Variants in MSRA observed in about 807,000 individuals in gnomAD.
MSRA encodes the protein mitochondrial peptide methionine sulfoxide reductase.
A neutral mutation model predicts 31.3 loss-of-function variants in MSRA; 54 were observed. The ratio of observed to expected loss-of-function variants is 1.73; its 90% CI spans 1.39 to 2.17. The LOEUF (loss-of-function observed/expected upper bound fraction) is 2.17, where lower values mean the gene tolerates loss of function less well. Among genes scored for constraint, MSRA ranks in the 30% most tolerant of loss-of-function variants. MSRA has a pLI of 0.00. For synonymous variants in MSRA, 169 were observed against 116.5 expected, an observed-to-expected ratio of 1.45 and a Z score of -2.90; for missense variants, 507 against 300.9, an observed-to-expected ratio of 1.69 and a Z score of -5.07.
intron 1 of MSRA, among the ~76,000 whole-genome samples, chr8:10,169,898 C>T (rs1297292599): frequency 6.9e-6 from 1 of 145,592 alleles, no homozygotes; most frequent in Non-Finnish European, 1.5e-5. Flanking sequence ...TTGCCCATTC[C>T]TTGGTATTTT....
chr8:10,425,139 T>C (rs4304332), intron 5 of MSRA, among the ~76,000 whole-genome samples: 143,640 of 151,216 alleles, frequency 0.95, 68,610 homozygotes, highest in Non-Finnish European at 1. Flanking sequence ...GTTTTGGCGG[T>C]GGGTGGGGGG....
At chr8:10,084,876 G>C (rs116381190) in intron 1 of MSRA, among the ~76,000 whole-genome samples, 1,656 of 138,812 alleles carry the variant, frequency 0.012, 32 homozygotes, top group African/African-American at 0.041. Context: ...CGAGTTTAGA[G>C]GTAGTTATAG....
chr8:10,217,843 C>G (rs192594323), intron 2 of MSRA, among the ~76,000 whole-genome samples: 1 of 152,132 alleles, frequency 6.6e-6, no homozygotes, highest in African/African-American at 2.4e-5. Context: ...AACTGTTTAT[C>G]TGAATCATGA....
intron 5 of MSRA, among the ~76,000 whole-genome samples, chr8:10,324,816 A>G (rs1004034222): frequency 6.6e-6 from 1 of 152,172 alleles, no homozygotes; most frequent in Non-Finnish European, 1.5e-5. Flanking sequence ...GTTGTTTGAG[A>G]TTTATGAAAT....
chr8:10,162,516 C>A (rs1463192415), intron 1 of MSRA, among the ~76,000 whole-genome samples: 2 of 152,074 alleles, frequency 1.3e-5, no homozygotes, highest in Non-Finnish European at 2.9e-5. Context: ...GATGGGCACC[C>A]CCTGTTGAGT....
intron 4 of MSRA, among the ~76,000 whole-genome samples, chr8:10,314,627 A>C (rs11249986): frequency 0.21 from 31,941 of 152,232 alleles, 4,555 homozygotes; most frequent in East Asian, 0.66. Flanking sequence ...TGCAAACACT[A>C]TACAGCAACA....
In MSRA at chr8:10,095,998, C is replaced by T. The variant is rs374441439; in HGVS notation, c.142+41340C>T. ...AAGTTTGTTCATCAATACAAACCTGCTTTCAAATCAAATCAGAAAGACATC... is the reference window on the plus strand; with the variant it reads ...AAGTTTGTTCATCAATACAAACCTGTTTTCAAATCAAATCAGAAAGACATC... On this transcript the variant is annotated intron_variant, in intron 1 of 5. Coordinates refer to ENST00000317173, the MANE Select transcript of MSRA (RefSeq NM_012331.5). 9.0e-5 allele frequency: 129 copies of T among 1,439,650 alleles called. No homozygotes were observed. In the East Asian group the frequency reaches 2.5e-3, roughly 28 times the overall value. The allele number at this position is 1,439,650 out of a possible 1,614,324, so 89.2% of individuals were successfully genotyped here.
At chr8:10,414,818 A>G (rs750253382) in intron 5 of MSRA, among the ~76,000 whole-genome samples, 21 of 152,252 alleles carry the variant, frequency 1.4e-4, no homozygotes, top group Admixed American at 1.0e-3. Flanking sequence ...TGCTAAGCAT[A>G]TAACAAAAAT....
intron 1 of MSRA, among the ~76,000 whole-genome samples, chr8:10,163,429 C>A (rs1354157428): frequency 6.6e-6 from 1 of 152,222 alleles, no homozygotes; most frequent in African/African-American, 2.4e-5. Flanking sequence ...GGCGCACCCA[C>A]TGTTAATCAG....
intron 2 of MSRA, among the ~76,000 whole-genome samples, chr8:10,240,455 C>T (rs1812312134): frequency 6.6e-6 from 1 of 152,188 alleles, no homozygotes; most frequent in Non-Finnish European, 1.5e-5. Context: ...GGCTGGGCCC[C>T]TTTCCATGCT....
intron 5 of MSRA, among the ~76,000 whole-genome samples, chr8:10,377,469 T>G (rs1407845138): frequency 1.3e-5 from 2 of 152,212 alleles, no homozygotes; most frequent in Non-Finnish European, 2.9e-5. Context: ...GCAGAGCTTC[T>G]CTTGTAGCCA....
At chr8:10,130,412 C>G (rs1311221640) in intron 1 of MSRA, among the ~76,000 whole-genome samples, 3 of 152,160 alleles carry the variant, frequency 2.0e-5, no homozygotes, top group Admixed American at 6.5e-5. Context: ...ATGTTAAGCT[C>G]TAACATGTAT....
chr8:10,384,486 C>T (rs939954501), intron 5 of MSRA, among the ~76,000 whole-genome samples: 4 of 152,102 alleles, frequency 2.6e-5, no homozygotes, highest in African/African-American at 7.2e-5. Flanking sequence ...AGAACGAGGA[C>T]GATGTCCAGG....
intron 3 of MSRA, among the ~76,000 whole-genome samples, chr8:10,248,036 C>G (rs1467524020): frequency 6.6e-6 from 1 of 152,248 alleles, no homozygotes; most frequent in East Asian, 1.9e-4. Context: ...TGCTCAAAGC[C>G]TTGCTGAACA....
intron 1 of MSRA, among the ~76,000 whole-genome samples, chr8:10,152,359 C>G (rs564882110): frequency 6.6e-6 from 1 of 152,110 alleles, no homozygotes; most frequent in African/African-American, 2.4e-5. Flanking sequence ...TTTTATGACT[C>G]AGAGGGAATG....
At chr8:10,364,284 A>G (rs1183529594) in intron 5 of MSRA, among the ~76,000 whole-genome samples, 1 of 152,196 alleles carries the variant, frequency 6.6e-6, no homozygotes, top group Non-Finnish European at 1.5e-5. Flanking sequence ...ATGAACACCC[A>G]GATAGAATTG....
chr8:10,378,107 C>G (rs112219891), intron 5 of MSRA, among the ~76,000 whole-genome samples: 1,750 of 152,330 alleles, frequency 0.011, 35 homozygotes, highest in African/African-American at 0.04. Context: ...CCTGAGGGCA[C>G]AGGGCGGAAG....
At chr8:10,081,200 G>A (rs1478184887) in intron 1 of MSRA, among the ~76,000 whole-genome samples, 1 of 152,178 alleles carries the variant, frequency 6.6e-6, no homozygotes, top group Non-Finnish European at 1.5e-5. Context: ...CTAGGCGGAT[G>A]GGGCAGTGGC....
At chr8:10,146,460 A>C (rs1042241893) in intron 1 of MSRA, among the ~76,000 whole-genome samples, 23 of 152,206 alleles carry the variant, frequency 1.5e-4, no homozygotes, top group African/African-American at 5.1e-4. Context: ...TGAGTAAAAC[A>C]GCTGCTGCCT....
Sources: allele counts gnomAD v4.1 joint callset (sites outside exome capture counted in the v4.1 genomes callset), GRCh38; gene constraint gnomAD v4.1.1; transcripts MANE v1.5; gene names NCBI Gene and HGNC (gene_info 2026-07-23, HGNC 2026-07-21).